Variants in RANBP3 observed in about 807,000 individuals in gnomAD.
RANBP3 encodes the protein ran-binding protein 3.
A neutral mutation model predicts 77.3 loss-of-function variants in RANBP3; 14 were observed. That is an observed-to-expected ratio of 0.18 (90% CI 0.12 to 0.28). The LOEUF (loss-of-function observed/expected upper bound fraction) is 0.28, where lower values mean the gene tolerates loss of function less well. RANBP3 is among the 10% of genes least tolerant of loss of function. The pLI is 1.00. For missense variants in RANBP3, 586 were observed against 752.3 expected, an observed-to-expected ratio of 0.78 and a Z score of 2.59; for synonymous variants, 315 against 312.4, an observed-to-expected ratio of 1.01 and a Z score of -0.09.
chr19:5,918,497 G>C lies in RANBP3; in HGVS notation c.1472C>G (p.Ser491Trp). ...GATGCACCCGCGTGGCTGGCTCACC[G>C]AGATCAGGAAGACCTTCACGCCCTG... The part of the protein sequence containing the change: ...EDQGVKVFLI[S>W]ASSKDTGQLY... The change falls in exon 15 of 17, where the codon TCG becomes TGG. Residue 491 changes from serine to tryptophan, a missense_variant and splice_region_variant. By Grantham distance (177) the Ser-to-Trp change is radical (BLOSUM62 -3). Coordinates refer to ENST00000340578, the MANE Select transcript of RANBP3 (RefSeq NM_007322.3). 6.2e-7 allele frequency: 1 copy of C among 1,606,908 alleles called. No individual in the cohort carries two copies.
chr19:5,944,304 C>G (rs2058176360), intron 3 of RANBP3, among the ~76,000 whole-genome samples: 1 of 152,202 alleles, frequency 6.6e-6, no homozygotes, highest in African/African-American at 2.4e-5. Flanking sequence ...GGGAACCTTT[C>G]TAGAAATGCC....
intron 13 of RANBP3, among the ~76,000 whole-genome samples, chr19:5,922,373 G>A (rs535001392): frequency 2.0e-5 from 3 of 152,268 alleles, no homozygotes; most frequent in East Asian, 1.9e-4. Context: ...TCTTAAGAAC[G>A]CCACGATACG....
intron 2 of RANBP3, among the ~76,000 whole-genome samples, chr19:5,955,504 T>C (rs1353561797): frequency 6.6e-6 from 1 of 152,240 alleles, no homozygotes; most frequent in Non-Finnish European, 1.5e-5. Context: ...ACATGCAAAT[T>C]AGCCTGCAAA....
chr19:5,955,428 C>T (rs2058324508), intron 2 of RANBP3, among the ~76,000 whole-genome samples: 1 of 152,134 alleles, frequency 6.6e-6, no homozygotes, highest in South Asian at 2.1e-4. Flanking sequence ...AAAATGCCTT[C>T]CTGGCTAGCC....
chr19:5,974,985 T>A (rs2058573477), intron 1 of RANBP3, among the ~76,000 whole-genome samples: 1 of 152,066 alleles, frequency 6.6e-6, no homozygotes, highest in Non-Finnish European at 1.5e-5. Context: ...CAACTTATGA[T>A]CTCAGTCTGG....
intron 3 of RANBP3, among the ~76,000 whole-genome samples, chr19:5,942,999 C>A (rs891916221): frequency 1.3e-5 from 2 of 152,136 alleles, no homozygotes; most frequent in African/African-American, 4.8e-5. Context: ...TGCACCCCAG[C>A]CTGAAGGACA....
intron 9 of RANBP3, 158 bp from the exon 10 acceptor site, chr19:5,925,895 G>T: frequency 1.6e-6 from 1 of 622,698 alleles, no homozygotes; most frequent in South Asian, 1.8e-5. Flanking sequence ...GTGCTGGGGG[G>T]CAGGGCTATA....
At chr19:5,973,376 C>CG (rs899521068) in intron 1 of RANBP3, among the ~76,000 whole-genome samples, 8 of 152,132 alleles carry the variant, frequency 5.3e-5, no homozygotes, top group Admixed American at 1.3e-4. Flanking sequence ...ACTCTGCCCC[C>CG]GGGGGGACAC....
intron 1 of RANBP3, among the ~76,000 whole-genome samples, 164 bp downstream of exon 1, chr19:5,977,897 T>C (rs2058616195): frequency 6.6e-6 from 1 of 152,074 alleles, no homozygotes; most frequent in African/African-American, 2.4e-5. Context: ...GAGCCCGGCC[T>C]GAGGGGACGC....
chr19:5,917,758 T>C, intron 16 of RANBP3, 36 bp downstream of exon 16: 4 of 1,589,658 alleles, frequency 2.5e-6, no homozygotes, highest in Non-Finnish European at 3.4e-6. Flanking sequence ...GGGCAGCTCT[T>C]TCTATCCCCC....
intron 3 of RANBP3, among the ~76,000 whole-genome samples, chr19:5,943,932 G>T (rs1037039506): frequency 2.6e-5 from 4 of 152,204 alleles, no homozygotes; most frequent in Admixed American, 2.6e-4. Flanking sequence ...AAGCACGAGG[G>T]GTGCAGAGGC....
intron 1 of RANBP3, among the ~76,000 whole-genome samples, chr19:5,963,260 T>A (rs1460760709): frequency 2.0e-5 from 3 of 152,116 alleles, no homozygotes; most frequent in Non-Finnish European, 4.4e-5. Context: ...ATTAAGAGAT[T>A]AGAAAACCAA....
At chr19:5,957,142 A>G (rs2058344339) in intron 2 of RANBP3, among the ~76,000 whole-genome samples, 1 of 152,186 alleles carries the variant, frequency 6.6e-6, no homozygotes. Flanking sequence ...GAGGGTCCCC[A>G]TGCAAGCTGA....
At chr19:5,966,796 T>A (rs1175524932) in intron 1 of RANBP3, among the ~76,000 whole-genome samples, 1 of 152,212 alleles carries the variant, frequency 6.6e-6, no homozygotes, top group Admixed American at 6.5e-5. Flanking sequence ...GAAAATGCCC[T>A]CATCTAGAAA....
At chr19:5,942,500 C>G (rs183629144) in intron 3 of RANBP3, among the ~76,000 whole-genome samples, 95 of 152,210 alleles carry the variant, frequency 6.2e-4, no homozygotes, top group South Asian at 4.2e-3. Context: ...AAAATGGGCT[C>G]ATGACCAGCC....
intron 9 of RANBP3, among the ~76,000 whole-genome samples, chr19:5,926,978 C>T (rs1357865797): frequency 6.6e-6 from 1 of 152,162 alleles, no homozygotes; most frequent in Non-Finnish European, 1.5e-5. Flanking sequence ...ACACTGGGCC[C>T]AGAACATTCC....
rs556901140 is a variant in RANBP3, at chr19:5,951,359, G to T, written c.282+34C>A. On this transcript the variant is annotated intron_variant, in intron 3 of 16. Transcript: ENST00000340578. The stretch of plus-strand genomic sequence containing the variant: ...GGCTGGTCTGGGTTGGGCTCCCCCT[G>T]GGCGGTAGGAGTGCCGGGTAGGTGT... 1.2e-5 allele frequency: 19 copies of T among 1,536,374 alleles called. No individual in the cohort carries two copies. In the South Asian group the frequency reaches 2.2e-4, roughly 17 times the overall value.
At chr19:5,938,381 G>T (rs367679768) in intron 5 of RANBP3, among the ~76,000 whole-genome samples, 2 of 152,132 alleles carry the variant, frequency 1.3e-5, no homozygotes, top group Non-Finnish European at 2.9e-5. Context: ...AAGGGGGAGC[G>T]GCTTTCCTTA....
At chr19:5,950,832 G>C (rs1239673457) in intron 3 of RANBP3, 1 of 156,908 alleles carries the variant, frequency 6.4e-6, no homozygotes, top group Non-Finnish European at 1.4e-5. Context: ...AAGGGCTCAG[G>C]GGATTCCTTC....
Sources: gnomAD v4.1 joint callset for allele counts (sites outside exome capture counted in the v4.1 genomes callset) on GRCh38, gnomAD v4.1.1 for gene constraint, MANE v1.5 for transcripts, NCBI Gene and HGNC (gene_info 2026-07-23, HGNC 2026-07-21) for gene names.